The following ADGRG3 variants were observed in gnomAD, a reference collection of about 807,000 sequenced individuals.
ADGRG3 encodes G protein-coupled receptor 97.
A neutral mutation model predicts 54.3 loss-of-function variants in ADGRG3; 39 were observed. That is an observed-to-expected ratio of 0.72 (90% CI 0.56 to 0.94). The LOEUF (loss-of-function observed/expected upper bound fraction) is 0.94, where lower values mean the gene tolerates loss of function less well. Ranked by LOEUF, ADGRG3 falls within the 40% of genes least tolerant of loss-of-function variation. The probability of loss-of-function intolerance (pLI) is 0.00; values close to 1 mark genes in which losing one functional copy is unlikely to be tolerated. For missense variants in ADGRG3, 654 were observed against 694.6 expected, an observed-to-expected ratio of 0.94 and a Z score of 0.66; for synonymous variants, 312 against 290.0, an observed-to-expected ratio of 1.08 and a Z score of -0.77.
chr16:57,688,156 T>G (rs1304933330), intron 11 of ADGRG3, among the ~76,000 whole-genome samples, 196 bp from the exon 12 acceptor site: 1 of 152,246 alleles, frequency 6.6e-6, no homozygotes, highest in Non-Finnish European at 1.5e-5. Flanking sequence ...GTCTCTGTTT[T>G]TCATTTCCAA....
intron 1 of ADGRG3, among the ~76,000 whole-genome samples, chr16:57,672,105 G>A (rs2048172260): frequency 6.6e-6 from 1 of 152,158 alleles, no homozygotes; most frequent in African/African-American, 2.4e-5. Context: ...GATTGAGCCT[G>A]GGAGGTCTAG....
At position 57,684,417 on chromosome 16, in the gene ADGRG3, C is replaced by T. The variant is rs746581713; in HGVS notation, c.1190C>T (p.Thr397Ile). 3.1e-6 allele frequency: 5 copies of T among 1,613,894 alleles called. No homozygotes were observed. The highest frequency in any genetic ancestry group is 4.2e-6 in the Non-Finnish European group (5 of 1,179,932). Residue 397 changes from threonine to isoleucine, a missense_variant, in exon 10 of 12, where the codon ACT (threonine) becomes ATT (isoleucine). Transcript: ENST00000333493. ...WGLPALMVIG[T>I]GSANSYGLYT... is the part of the protein sequence containing the mutation. ...CTGCCCGCCCTGATGGTCATCGGCA[C>T]TGGGAGTGCCAACAGCTACGGCCTC... is the stretch of plus-strand genomic sequence containing the variant.
intron 11 of ADGRG3, 58 bp from the exon 12 acceptor site, chr16:57,688,294 C>A: frequency 9.2e-7 from 1 of 1,087,692 alleles, no homozygotes; most frequent in Non-Finnish European, 1.4e-6. Context: ...CCAGCCCAGG[C>A]TGCCCCACTC....
At chr16:57,677,055 C>T (rs1483835132) in intron 3 of ADGRG3, among the ~76,000 whole-genome samples, 2 of 152,192 alleles carry the variant, frequency 1.3e-5, no homozygotes, top group Non-Finnish European at 2.9e-5. Flanking sequence ...GATTCTTTCT[C>T]AACCCTTTAT....
chr16:57,686,046 G>C, intron 11 of ADGRG3, 120 bp downstream of exon 11: 1 of 1,031,712 alleles, frequency 9.7e-7, no homozygotes, highest in Non-Finnish European at 1.4e-6. Context: ...TGAAGTCAAG[G>C]ATGTTGATTT....
chr16:57,682,733 CAG>C (rs1360511666), intron 8 of ADGRG3: 3 of 692,232 alleles, frequency 4.3e-6, no homozygotes. Context: ...GTGGGGGCTC[CAG>C]AGAGAGGGAG....
chr16:57,671,293 C>T (rs375570681), intron 1 of ADGRG3, among the ~76,000 whole-genome samples: 1 of 146,778 alleles, frequency 6.8e-6, no homozygotes, highest in East Asian at 2.0e-4. Flanking sequence ...TAATACCCGG[C>T]AGTTTTTTAA....
rs2048234671 is a variant in ADGRG3 at position 57,675,011 on chromosome 16, A to AG, written c.207-1189_207-1188insG. ...ACTCCATCTCAAAAAAAAAAAAAAA[A>AG]AAGCAGCAGCAGCAGCAGCAGCAGC... On this transcript the variant is annotated intron_variant, in intron 2 of 11. Coordinates refer to ENST00000333493, the MANE Select transcript of ADGRG3 (RefSeq NM_170776.5). Among the ~76,000 whole-genome samples the AG allele has an allele frequency of 3.8e-5, 3 of 78,396 alleles. No individual in the cohort carries two copies. The South Asian group carries it at 1.5e-3, about 39-fold the overall frequency. 51.4% of individuals were successfully genotyped at this position (78,396 alleles called of 152,430 possible).
At chr16:57,675,011 A>AAAAAAAG (rs1228347002) in intron 2 of ADGRG3, among the ~76,000 whole-genome samples, 4 of 78,292 alleles carry the variant, frequency 5.1e-5, no homozygotes, top group African/African-American at 1.0e-4. Context: ...AAAAAAAAAA[A>AAAAAAAG]AAGCAGCAGC....
At chr16:57,678,542 CAT>C (rs1169511703) in intron 4 of ADGRG3, 21 of 572,200 alleles carry the variant, frequency 3.7e-5, no homozygotes, top group Middle Eastern at 4.7e-4. Context: ...GACCCCCACA[CAT>C]GAGTGCCCTT....
chr16:57,676,045 G>T (rs770308819), intron 2 of ADGRG3, among the ~76,000 whole-genome samples, 155 bp from the exon 3 acceptor site: 50 of 152,224 alleles, frequency 3.3e-4, no homozygotes, highest in Non-Finnish European at 5.6e-4. Flanking sequence ...TGCAGGAGCA[G>T]CCTGGACGGC....
chr16:57,668,362 G>A lies in ADGRG3; in HGVS notation c.15G>A (p.Arg5=). 1.3e-6 allele frequency: 2 copies of A among 1,574,086 alleles called. No homozygotes were observed. Among genetic ancestry groups the A allele is most frequent in the Non-Finnish European group, 1.7e-6 (2 of 1,166,690 alleles). The change falls in exon 1 of 12, where the codon AGG becomes AGA. Residue 5 remains arginine, a synonymous_variant. Coordinates refer to ENST00000333493, the MANE Select transcript of ADGRG3 (RefSeq NM_170776.5). ...GCTGGCCAAGGATGGCGACGCCCAG[G>A]GGCCTGGGGGCCCTGCTCCTGCTCC... MATP[R]GLGALLLLLL...
At chr16:57,682,956 AC>A (rs2048401670) in intron 8 of ADGRG3, among the ~76,000 whole-genome samples, 1 of 152,216 alleles carries the variant, frequency 6.6e-6, no homozygotes, top group Non-Finnish European at 1.5e-5. Flanking sequence ...CATGGGAAAG[AC>A]CCGAGGAGAG....
chr16:57,680,379 C>T lies in ADGRG3; in HGVS notation c.768+14C>T. 1 of 1,604,614 alleles carries T rather than the reference C, an allele frequency of 6.2e-7. No homozygotes were observed. Among genetic ancestry groups the T allele is most frequent in the East Asian group, 2.2e-5 (1 of 44,706 alleles). The stretch of plus-strand genomic sequence containing the variant: ...GCCCTGCTCCTGGTAACAGCCCCCT[C>T]CACTCTGATCCCAGCCATCCCAGGG... On this transcript the variant is annotated intron_variant, in intron 7 of 11. Transcript: ENST00000333493.
chr16:57,668,974 A>G (rs562910486), intron 1 of ADGRG3, among the ~76,000 whole-genome samples: 1 of 152,170 alleles, frequency 6.6e-6, no homozygotes, highest in Admixed American at 6.5e-5. Flanking sequence ...ACACAAACAC[A>G]TGGTGCGTCT....
chr16:57,688,752 C>T lies in ADGRG3; in HGVS notation c.*291C>T. ...CATGCCCTGCCCTCATTGCAAAGCCCTCACTCACCTTCTGGTCTCAGCAAG... is the reference window on the plus strand; with the variant it reads ...CATGCCCTGCCCTCATTGCAAAGCCTTCACTCACCTTCTGGTCTCAGCAAG... On this transcript the variant is annotated 3_prime_UTR_variant, in exon 12 of 12. Transcript: ENST00000333493. 3.0e-6 allele frequency: 1 copy of T among 332,204 alleles called. No homozygotes were observed. The highest frequency in any genetic ancestry group is 4.3e-5 in the South Asian group (1 of 23,454). 20.6% of individuals were successfully genotyped at this position (332,204 alleles called of 1,614,324 possible).
intron 1 of ADGRG3, 119 bp downstream of exon 1, chr16:57,668,524 G>A: frequency 2.1e-6 from 2 of 950,044 alleles, no homozygotes; most frequent in Non-Finnish European, 3.2e-6. Flanking sequence ...TGTCTGGGAT[G>A]TGTCCTCCGA....
chr16:57,684,329 A>G, intron 9 of ADGRG3, 61 bp from the exon 10 acceptor site: 1 of 1,564,098 alleles, frequency 6.4e-7, no homozygotes, highest in East Asian at 2.2e-5. Flanking sequence ...TCTGGAGGGG[A>G]CGTGGAGGAG....
At chr16:57,673,737 A>G (rs1417131443) in intron 2 of ADGRG3, among the ~76,000 whole-genome samples, 1 of 151,954 alleles carries the variant, frequency 6.6e-6, no homozygotes, top group Non-Finnish European at 1.5e-5. Flanking sequence ...AATAATGATG[A>G]CTCCAGAGTG....
Sources: allele counts gnomAD v4.1 joint callset (sites outside exome capture counted in the v4.1 genomes callset), GRCh38; gene constraint gnomAD v4.1.1; transcripts MANE v1.5; gene names NCBI Gene and HGNC (gene_info 2026-07-23, HGNC 2026-07-21).